CA10: variants seen among roughly 807,000 people sequenced by gnomAD.
The protein encoded by CA10 is carbonic anhydrase 10 (inactive).
A neutral mutation model predicts 44.2 loss-of-function variants in CA10; 14 were observed. That is an observed-to-expected ratio of 0.32 (90% CI 0.21 to 0.50). The LOEUF is 0.50. Among genes scored for constraint, CA10 ranks in the 20% least tolerant of loss-of-function variants. The pLI is 0.99. For synonymous variants in CA10, 159 were observed against 141.6 expected (o/e 1.12, Z -0.87); for missense variants, 350 against 409.7 (o/e 0.85, Z 1.26).
intron 3 of CA10, among the ~76,000 whole-genome samples, chr17:51,783,904 T>C (rs1013854833): frequency 2.0e-5 from 3 of 152,026 alleles, no homozygotes; most frequent in African/African-American, 7.2e-5. Context: ...TACACAGCTG[T>C]GTAGGAGCAA....
At chr17:51,659,670 A>G (rs1046333616) in intron 4 of CA10, among the ~76,000 whole-genome samples, 6 of 152,134 alleles carry the variant, frequency 3.9e-5, no homozygotes, top group Non-Finnish European at 7.4e-5. Context: ...CATTTGTCGA[A>G]CACCTCTTTG....
At chr17:51,868,647 T>C (rs1420151177) in intron 3 of CA10, among the ~76,000 whole-genome samples, 1 of 152,196 alleles carries the variant, frequency 6.6e-6, no homozygotes, top group Non-Finnish European at 1.5e-5. Context: ...GATTCCTGTT[T>C]TTTTCTCTCC....
chr17:52,155,920 T>C (rs1310894721), intron 1 of CA10, among the ~76,000 whole-genome samples: 3 of 152,218 alleles, frequency 2.0e-5, no homozygotes, highest in Non-Finnish European at 4.4e-5. Flanking sequence ...AAATCAAATA[T>C]AGCTGTGACA....
intron 1 of CA10, among the ~76,000 whole-genome samples, chr17:52,110,303 A>C (rs1441368115): frequency 6.6e-6 from 1 of 152,184 alleles, no homozygotes; most frequent in Non-Finnish European, 1.5e-5. Flanking sequence ...TGCCTTACTT[A>C]ACTCAGACAG....
At chr17:51,765,997 A>G (rs1216714321) in intron 3 of CA10, among the ~76,000 whole-genome samples, 1 of 152,112 alleles carries the variant, frequency 6.6e-6, no homozygotes, top group Non-Finnish European at 1.5e-5. Flanking sequence ...AAACAAACAG[A>G]TGCAATTCAA....
chr17:51,888,801 TAATA>T (rs1980727468), intron 3 of CA10, among the ~76,000 whole-genome samples: 2 of 152,248 alleles, frequency 1.3e-5, no homozygotes, highest in Non-Finnish European at 1.5e-5. Flanking sequence ...TATTGCTACA[TAATA>T]AATCATCTTC....
At chr17:51,802,393 G>T (rs1906965584) in intron 3 of CA10, among the ~76,000 whole-genome samples, 1 of 152,046 alleles carries the variant, frequency 6.6e-6, no homozygotes, top group South Asian at 2.1e-4. Flanking sequence ...TCTCCAAAAA[G>T]GCTTTGTCTA....
intron 2 of CA10, among the ~76,000 whole-genome samples, chr17:52,050,634 A>G (rs1054882890): frequency 6.6e-6 from 1 of 151,882 alleles, no homozygotes; most frequent in Non-Finnish European, 1.5e-5. Context: ...GGCTTTCTCT[A>G]TCATCTTCCA....
At chr17:51,715,490 G>A (rs1916078357) in intron 4 of CA10, among the ~76,000 whole-genome samples, 1 of 152,084 alleles carries the variant, frequency 6.6e-6, no homozygotes, top group African/African-American at 2.4e-5. Context: ...CATGAGATGT[G>A]TTGATACAGG....
chr17:51,740,079 C>T (rs1257870970), intron 4 of CA10, among the ~76,000 whole-genome samples: 3 of 145,420 alleles, frequency 2.1e-5, no homozygotes, highest in African/African-American at 7.3e-5. Flanking sequence ...ATTAGGTTTG[C>T]CATTATGACT....
chr17:52,051,770 A>T (rs945609910), intron 2 of CA10, among the ~76,000 whole-genome samples: 3 of 152,166 alleles, frequency 2.0e-5, no homozygotes, highest in African/African-American at 7.2e-5. Context: ...CAGCAGCCCC[A>T]TTACTGAGTA....
At chr17:51,935,125 C>A (rs1982814507) in intron 2 of CA10, among the ~76,000 whole-genome samples, 2 of 152,036 alleles carry the variant, frequency 1.3e-5, no homozygotes, top group African/African-American at 4.8e-5. Flanking sequence ...CTTCATCTAC[C>A]CTTCATAGTG....
intron 1 of CA10, among the ~76,000 whole-genome samples, chr17:52,147,853 CT>C (rs897952373): frequency 1.8e-4 from 27 of 151,992 alleles, no homozygotes; most frequent in Middle Eastern, 3.4e-3. Flanking sequence ...AATAGGGCCC[CT>C]TTTTTTTCTA....
chr17:52,011,770 G>A (rs990937164), intron 2 of CA10, among the ~76,000 whole-genome samples: 7 of 152,028 alleles, frequency 4.6e-5, no homozygotes, highest in Non-Finnish European at 1.0e-4. Flanking sequence ...ATGAACTGGT[G>A]GGGAAGAGAG....
chr17:51,812,057 A>G (rs1464316429), intron 3 of CA10, among the ~76,000 whole-genome samples: 2 of 152,182 alleles, frequency 1.3e-5, no homozygotes, highest in East Asian at 3.8e-4. Context: ...CAACCTGTTC[A>G]ACAGCAGATG....
In CA10 at chr17:51,747,488, A is replaced by G. The variant is rs183997158; in HGVS notation, c.465+145T>C. 5 of 642,872 alleles carry G rather than the reference A, an allele frequency of 7.8e-6. No individual in the cohort carries two copies. In the African/African-American group the frequency reaches 9.1e-5, roughly 12 times the overall value. 39.8% of individuals were successfully genotyped at this position (642,872 alleles called of 1,614,324 possible). A position where few individuals can be genotyped will look rare whatever the true frequency, so the allele number is the denominator to read the frequency against. Reference sequence around the variant, plus strand: ...ATTGACTTCGATGTCAATTTGCAAAAGACAGATGGAGAAAGAAGGCATGGG... The same window carrying G: ...ATTGACTTCGATGTCAATTTGCAAAGGACAGATGGAGAAAGAAGGCATGGG... On this transcript the variant is annotated intron_variant, in intron 4 of 8. Coordinates refer to ENST00000451037, the MANE Select transcript of CA10 (RefSeq NM_020178.5).
rs779769815 is a variant in CA10 at position 51,978,211 on chromosome 17, G to T, written c.137-47079C>A. On this transcript the variant is annotated intron_variant, in intron 2 of 8. Coordinates refer to ENST00000451037, the MANE Select transcript of CA10 (RefSeq NM_020178.5). ...ATAATAATTCAAATAATCTAAAATG[G>T]CCAGAACAATCTAAAGAACAAAGTT... 9.2e-4 allele frequency among the ~76,000 whole-genome samples: 140 copies of T among 151,948 alleles called. 1 individual carries two copies. Among genetic ancestry groups the T allele is most frequent in the Non-Finnish European group, 1.5e-3 (104 of 67,956 alleles).
intron 3 of CA10, among the ~76,000 whole-genome samples, chr17:51,803,351 C>T (rs1162064911): frequency 1.3e-5 from 2 of 152,160 alleles, no homozygotes; most frequent in Non-Finnish European, 2.9e-5. Context: ...CAGGACTGGA[C>T]AGCTCTGCCC....
intron 3 of CA10, among the ~76,000 whole-genome samples, chr17:51,897,019 T>C (rs2143921669): frequency 6.6e-6 from 1 of 152,300 alleles, no homozygotes; most frequent in Non-Finnish European, 1.5e-5. Context: ...ATTCTGTAGG[T>C]TCTCTGTTTA....
Sources: gnomAD v4.1 joint callset for allele counts (sites outside exome capture counted in the v4.1 genomes callset) on GRCh38, gnomAD v4.1.1 for gene constraint, MANE v1.5 for transcripts, NCBI Gene and HGNC (gene_info 2026-07-23, HGNC 2026-07-21) for gene names.